Variants in ADAM10 observed in about 807,000 individuals in gnomAD.
ADAM10 encodes the protein disintegrin and metalloproteinase domain-containing protein 10.
In ADAM10, 17 loss-of-function variants were observed where a neutral mutation model predicts 90.1. That is an observed-to-expected ratio of 0.19 (90% CI 0.13 to 0.28). The LOEUF (loss-of-function observed/expected upper bound fraction) is 0.28, where lower values mean the gene tolerates loss of function less well. Ranked by LOEUF, ADAM10 falls within the 10% of genes least tolerant of loss-of-function variation. ADAM10 has a pLI of 1.00. For synonymous variants in ADAM10, 310 were observed against 298.6 expected (o/e 1.04, Z -0.40); for missense variants, 610 against 914.3 (o/e 0.67, Z 4.29).
At chr15:58,641,186 T>A (rs1896408085) in intron 7 of ADAM10, among the ~76,000 whole-genome samples, 1 of 152,178 alleles carries the variant, frequency 6.6e-6, no homozygotes, top group African/African-American at 2.4e-5. Flanking sequence ...GAAATTAAAA[T>A]TGAAGATGTT....
intron 11 of ADAM10, among the ~76,000 whole-genome samples, chr15:58,618,070 G>T (rs1174561008): frequency 6.6e-6 from 1 of 151,876 alleles, no homozygotes; most frequent in Non-Finnish European, 1.5e-5. Flanking sequence ...AACCACAGAA[G>T]CCAATAGCCA....
chr15:58,749,045 G>A, intron 1 of ADAM10: 1 of 399,078 alleles, frequency 2.5e-6, no homozygotes. Flanking sequence ...GGCTGGGGGA[G>A]GAATGGTGAG....
At chr15:58,661,573 T>G (rs1473078052) in intron 5 of ADAM10, among the ~76,000 whole-genome samples, 3 of 152,100 alleles carry the variant, frequency 2.0e-5, no homozygotes, top group Admixed American at 6.5e-5. Flanking sequence ...GCTTTTATGG[T>G]TTTTTATGAT....
chr15:58,727,586 C>T (rs1899083317), intron 1 of ADAM10, among the ~76,000 whole-genome samples: 1 of 152,090 alleles, frequency 6.6e-6, no homozygotes, highest in African/African-American at 2.4e-5. Context: ...ACTGGCTTGG[C>T]CTCCCGAAGT....
chr15:58,652,943 T>C (rs1213127510), intron 5 of ADAM10, among the ~76,000 whole-genome samples: 3 of 152,310 alleles, frequency 2.0e-5, no homozygotes, highest in Non-Finnish European at 4.4e-5. Context: ...TTTTACTTCT[T>C]TGGTTAATTC....
chr15:58,676,665 A>G (rs1897307166), intron 4 of ADAM10, among the ~76,000 whole-genome samples: 2 of 152,174 alleles, frequency 1.3e-5, no homozygotes, highest in Admixed American at 1.3e-4. Context: ...AAAAACAGCC[A>G]TGCTAGCTGG....
At chr15:58,600,940 T>C (rs1595980799) in intron 14 of ADAM10, among the ~76,000 whole-genome samples, 2 of 152,156 alleles carry the variant, frequency 1.3e-5, no homozygotes, top group East Asian at 3.8e-4. Context: ...ACTTCTACAC[T>C]GTTTAGTTTT....
intron 1 of ADAM10, among the ~76,000 whole-genome samples, chr15:58,730,152 T>C (rs1301737214): frequency 6.6e-6 from 1 of 152,216 alleles, no homozygotes; most frequent in Non-Finnish European, 1.5e-5. Context: ...TGTATATCCT[T>C]ATTTCTACAC....
chr15:58,729,165 C>T (rs142008931), intron 1 of ADAM10, among the ~76,000 whole-genome samples: 5 of 151,994 alleles, frequency 3.3e-5, no homozygotes, highest in African/African-American at 1.2e-4. Flanking sequence ...TGAAACCAGC[C>T]TGGGCAACAT....
chr15:58,625,173 T>C (rs1296977643), intron 10 of ADAM10, among the ~76,000 whole-genome samples: 3 of 152,118 alleles, frequency 2.0e-5, no homozygotes, highest in African/African-American at 7.2e-5. Flanking sequence ...CTCATCAAAA[T>C]GTGAAACTTT....
chr15:58,671,620 T>C (rs1275289576), intron 4 of ADAM10, among the ~76,000 whole-genome samples: 1 of 152,170 alleles, frequency 6.6e-6, no homozygotes, highest in Non-Finnish European at 1.5e-5. Flanking sequence ...ACACCTGTCA[T>C]CTTAGCACTT....
intron 8 of ADAM10, among the ~76,000 whole-genome samples, chr15:58,637,691 T>C (rs935331522): frequency 3.3e-5 from 5 of 151,082 alleles, no homozygotes; most frequent in African/African-American, 9.7e-5. Context: ...AAGATGTTAC[T>C]GTGTGTGTGT....
chr15:58,641,416 A>T (rs1042008866), intron 7 of ADAM10, among the ~76,000 whole-genome samples: 10 of 152,194 alleles, frequency 6.6e-5, no homozygotes, highest in Non-Finnish European at 1.5e-4. Context: ...TAGGTATCAA[A>T]CCCAAGACTG....
At chr15:58,626,198 T>A (rs1394719972) in intron 10 of ADAM10, among the ~76,000 whole-genome samples, 1 of 152,080 alleles carries the variant, frequency 6.6e-6, no homozygotes, top group Non-Finnish European at 1.5e-5. Context: ...ATTTTCTCAA[T>A]ATCAACATCC....
rs369740829 is a variant in ADAM10 at position 58,627,432 on chromosome 15, A to AT, written c.1360+267dup. On this transcript the variant is annotated intron_variant, in intron 10 of 15. Transcript: ENST00000260408. ...TTATGCAGAAAACAGAAAAAGAACT[A>AT]TAAACAATATTGAACTCTAGTTAAT... Among the ~76,000 whole-genome samples the AT allele has an allele frequency of 6.9e-3, 1,052 of 152,324 alleles. 15 individuals are homozygous for AT. The highest frequency in any genetic ancestry group is 0.024 in the African/African-American group (1,006 of 41,582).
At chr15:58,683,739 A>G (rs1437555470) in intron 2 of ADAM10, among the ~76,000 whole-genome samples, 3 of 151,724 alleles carry the variant, frequency 2.0e-5, no homozygotes, top group Admixed American at 2.0e-4. Context: ...TTGCACCTCT[A>G]GTCCCAGCTA....
At chr15:58,717,275 C>T (rs1279127797) in intron 2 of ADAM10, among the ~76,000 whole-genome samples, 1 of 152,090 alleles carries the variant, frequency 6.6e-6, no homozygotes, top group Admixed American at 6.6e-5. Flanking sequence ...GACCATAAAA[C>T]ATATAAAAAG....
intron 2 of ADAM10, among the ~76,000 whole-genome samples, chr15:58,707,008 C>CAAAAA (rs796234312): frequency 1.2e-4 from 5 of 41,236 alleles, no homozygotes; most frequent in East Asian, 1.4e-3. Flanking sequence ...GACTCCATCT[C>CAAAAA]AAAAAAAAAA....
At chr15:58,713,287 G>T (rs1302810977) in intron 2 of ADAM10, among the ~76,000 whole-genome samples, 2 of 151,908 alleles carry the variant, frequency 1.3e-5, no homozygotes, top group African/African-American at 4.8e-5. Flanking sequence ...TAATCTTTCT[G>T]TAGAGTCAGG....
Sources: allele counts gnomAD v4.1 joint callset (sites outside exome capture counted in the v4.1 genomes callset), GRCh38; gene constraint gnomAD v4.1.1; transcripts MANE v1.5; gene names NCBI Gene and HGNC (gene_info 2026-07-23, HGNC 2026-07-21).